The following NKAIN2 variants were observed in gnomAD, a reference collection of about 807,000 sequenced individuals.
NKAIN2 encodes sodium/potassium-transporting ATPase subunit beta-1-interacting protein 2.
In NKAIN2, 14 loss-of-function variants were observed where a neutral mutation model predicts 32.6. The observed-to-expected ratio is 0.43, with a 90% confidence interval of 0.28 to 0.67. The LOEUF is 0.67. Ranked by LOEUF, NKAIN2 falls within the 30% of genes least tolerant of loss-of-function variation. The probability of loss-of-function intolerance (pLI) is 0.17; values close to 1 mark genes in which losing one functional copy is unlikely to be tolerated. For synonymous variants in NKAIN2, 80 were observed against 87.2 expected (o/e 0.92, Z 0.46); for missense variants, 198 against 258.3 (o/e 0.77, Z 1.60).
chr6:123,812,275 C>T (rs1773508804), intron 1 of NKAIN2, among the ~76,000 whole-genome samples: 1 of 152,120 alleles, frequency 6.6e-6, no homozygotes, highest in South Asian at 2.1e-4. Flanking sequence ...ATGCAGTCTA[C>T]AAGTTAATAT....
intron 1 of NKAIN2, among the ~76,000 whole-genome samples, chr6:124,246,997 T>C (rs1428233856): frequency 6.6e-6 from 1 of 151,998 alleles, no homozygotes; most frequent in Non-Finnish European, 1.5e-5. Flanking sequence ...TTTTTCACCT[T>C]CCTGAGGCCT....
intron 1 of NKAIN2, among the ~76,000 whole-genome samples, chr6:123,847,356 A>G (rs940994650): frequency 6.6e-6 from 1 of 152,198 alleles, no homozygotes; most frequent in Admixed American, 6.5e-5. Flanking sequence ...AAAAAGTAAC[A>G]TATACAAATA....
chr6:124,798,882 G>A (rs955131427), intron 5 of NKAIN2, among the ~76,000 whole-genome samples: 3 of 152,080 alleles, frequency 2.0e-5, no homozygotes, highest in African/African-American at 7.2e-5. Flanking sequence ...ATCCACCCCT[G>A]TCTTGTTCCC....
chr6:124,182,526 T>C (rs1260983109), intron 1 of NKAIN2, among the ~76,000 whole-genome samples: 1 of 152,206 alleles, frequency 6.6e-6, no homozygotes, highest in Non-Finnish European at 1.5e-5. Flanking sequence ...TTTGGTGTGT[T>C]GGATTGATTT....
chr6:124,031,763 T>G (rs918948216), intron 1 of NKAIN2, among the ~76,000 whole-genome samples: 1 of 152,182 alleles, frequency 6.6e-6, no homozygotes, highest in African/African-American at 2.4e-5. Context: ...GATTGCACTG[T>G]GGTCTGAGAG....
chr6:124,309,201 A>C (rs1372818462), intron 2 of NKAIN2, among the ~76,000 whole-genome samples: 2 of 152,114 alleles, frequency 1.3e-5, no homozygotes, highest in Non-Finnish European at 2.9e-5. Context: ...CAAACCACTA[A>C]TTTTAGATGA....
At chr6:124,037,516 A>T (rs1781657432) in intron 1 of NKAIN2, among the ~76,000 whole-genome samples, 1 of 152,076 alleles carries the variant, frequency 6.6e-6, no homozygotes, top group Non-Finnish European at 1.5e-5. Context: ...TAGATTTTTA[A>T]TAAGTTGTCT....
At chr6:124,813,726 T>C (rs541724697) in intron 5 of NKAIN2, among the ~76,000 whole-genome samples, 1 of 152,304 alleles carries the variant, frequency 6.6e-6, no homozygotes, top group South Asian at 2.1e-4. Flanking sequence ...AGATAAATGA[T>C]ATCACTTGAA....
intron 3 of NKAIN2, among the ~76,000 whole-genome samples, chr6:124,497,306 A>T (rs552797414): frequency 5.9e-5 from 9 of 152,218 alleles, no homozygotes; most frequent in Non-Finnish European, 1.3e-4. Flanking sequence ...CCACTAAAAA[A>T]TAAAAATGTG....
chr6:124,681,836 A>G (rs1337182461), intron 4 of NKAIN2, among the ~76,000 whole-genome samples: 1 of 152,088 alleles, frequency 6.6e-6, no homozygotes, highest in Non-Finnish European at 1.5e-5. Context: ...TCACCTATAA[A>G]CAGGTGGGAA....
chr6:124,563,781 G>A (rs367867723), intron 3 of NKAIN2, among the ~76,000 whole-genome samples: 11 of 152,000 alleles, frequency 7.2e-5, no homozygotes, highest in Admixed American at 2.0e-4. Context: ...CTGGATTCTC[G>A]CGCCTCAGCC....
intron 3 of NKAIN2, among the ~76,000 whole-genome samples, chr6:124,515,707 C>CTT (rs1289081100): frequency 0.019 from 64 of 3,408 alleles, 26 homozygotes; most frequent in South Asian, 0.5. Context: ...TTTTTCTTCG[C>CTT]TTTCTCTCCG....
intron 1 of NKAIN2, among the ~76,000 whole-genome samples, chr6:124,028,249 A>G (rs1368955485): frequency 6.6e-6 from 1 of 152,028 alleles, no homozygotes; most frequent in East Asian, 1.9e-4. Flanking sequence ...GTTATTTTTC[A>G]TGCAGTGGGT....
chr6:123,934,894 T>G (rs1399118879), intron 1 of NKAIN2, among the ~76,000 whole-genome samples: 1 of 151,700 alleles, frequency 6.6e-6, no homozygotes, highest in African/African-American at 2.4e-5. Flanking sequence ...TTCTACATTT[T>G]TTCCCTTTCC....
chr6:124,779,282 AGGAAGGCAGGAAGGAGGGAGGGAGG>A (rs1779137199), intron 4 of NKAIN2, among the ~76,000 whole-genome samples: 1 of 87,348 alleles, frequency 1.1e-5, no homozygotes, highest in African/African-American at 4.1e-5. Flanking sequence ...AGAGAGAGAG[AGGAAGGCAGGAAGGAGGGAGGGAGG>A]GAGGGAGGGA....
chr6:124,034,184 G>A (rs777887171), intron 1 of NKAIN2, among the ~76,000 whole-genome samples: 1 of 151,924 alleles, frequency 6.6e-6, no homozygotes, highest in Non-Finnish European at 1.5e-5. Context: ...TTACAAGGGT[G>A]CACCATGTAA....
At chr6:124,641,554 TTTTTTTTTTTTTTTTG>T (rs1783991524) in intron 3 of NKAIN2, among the ~76,000 whole-genome samples, 1 of 113,626 alleles carries the variant, frequency 8.8e-6, no homozygotes, top group African/African-American at 3.5e-5. Context: ...TTTTTTTTTT[TTTTTTTTTTTTTTTTG>T]AGACAGTGTC....
intron 1 of NKAIN2, among the ~76,000 whole-genome samples, chr6:123,833,691 CTGTGTGTGTGTGTGTG>C (rs59906355): frequency 3.9e-5 from 5 of 129,570 alleles, no homozygotes; most frequent in Admixed American, 1.6e-4. Flanking sequence ...ATTTTTTTTC[CTGTGTGTGTGTGTGTG>C]TGTGTGTGTG....
intron 1 of NKAIN2, among the ~76,000 whole-genome samples, chr6:123,867,877 T>TG (rs1170222021): frequency 1.9e-4 from 29 of 151,106 alleles, no homozygotes; most frequent in African/African-American, 6.8e-4. Context: ...TTTTTTTTTT[T>TG]TTTTTGTTTC....
Sources: gnomAD v4.1 joint callset for allele counts (sites outside exome capture counted in the v4.1 genomes callset) on GRCh38, gnomAD v4.1.1 for gene constraint, MANE v1.5 for transcripts, NCBI Gene and HGNC (gene_info 2026-07-23, HGNC 2026-07-21) for gene names.